Variants in RNF125 observed in about 807,000 individuals in gnomAD.
RNF125 encodes the protein ring finger protein 125.
A neutral mutation model predicts 26.0 loss-of-function variants in RNF125; 21 were observed. The observed-to-expected ratio is 0.81, with a 90% CI of 0.57 to 1.16. The LOEUF (loss-of-function observed/expected upper bound fraction) is 1.16. Ranked by LOEUF, RNF125 falls within the 50% of genes most tolerant of loss-of-function variation. The pLI is 0.00. For missense variants in RNF125, 270 were observed against 299.4 expected, an observed-to-expected ratio of 0.90 and a Z score of 0.72; for synonymous variants, 95 against 109.2, an observed-to-expected ratio of 0.87 and a Z score of 0.81.
At chr18:32,088,736 G>C in the RNF125 span, among the ~76,000 whole-genome samples, 1 of 152,164 alleles carries the variant, frequency 6.6e-6, no homozygotes, top group Non-Finnish European at 1.5e-5. Flanking sequence ...CTGACCTCAA[G>C]TGATCTGCCT....
At chr18:32,041,510 A>C (rs983317211) in intron 2 of RNF125, among the ~76,000 whole-genome samples, 16 of 147,706 alleles carry the variant, frequency 1.1e-4, no homozygotes, top group African/African-American at 4.0e-4. Context: ...CTTTTTCTTC[A>C]CCCATTTTTT....
chr18:32,040,357 T>C (rs7228224), intron 2 of RNF125, among the ~76,000 whole-genome samples: 103,352 of 148,900 alleles, frequency 0.69, 36,085 homozygotes, highest in African/African-American at 0.73. Flanking sequence ...CTGCAACCTC[T>C]GCCTCCTGGG....
rs1320706433 is a variant in RNF125 at position 32,033,801 on chromosome 18, A to G, written c.165-3315A>G. On this transcript the variant is annotated intron_variant, in intron 1 of 5. Coordinates refer to ENST00000217740, the MANE Select transcript of RNF125 (RefSeq NM_017831.4). ...GCCATTGCACTCCAGCCTGGGCAAC[A>G]AGAGTGAAATTTCATCTCAAACAAA... Among the ~76,000 whole-genome samples the G allele has an allele frequency of 2.0e-5, 3 of 151,490 alleles. No homozygotes were observed. In the East Asian group the frequency reaches 5.8e-4, roughly 29 times the overall value.
At chr18:32,028,326 TA>T (rs2039058930) in intron 1 of RNF125, among the ~76,000 whole-genome samples, 1 of 123,770 alleles carries the variant, frequency 8.1e-6, no homozygotes, top group African/African-American at 3.2e-5. Context: ...AAAAAAAAAA[TA>T]ATAGGTAGTG....
chr18:32,019,297 A>C (rs1412102302), intron 1 of RNF125, among the ~76,000 whole-genome samples: 1 of 152,138 alleles, frequency 6.6e-6, no homozygotes, highest in Non-Finnish European at 1.5e-5. Flanking sequence ...ACTCCAGAGA[A>C]GGGGATCCAG....
chr18:32,063,862 T>G (rs1358547781), intron 4 of RNF125, among the ~76,000 whole-genome samples: 1 of 151,720 alleles, frequency 6.6e-6, no homozygotes, highest in African/African-American at 2.4e-5. Context: ...TTTCTCGAAA[T>G]AGTAATAATA....
At chr18:32,053,938 A>G (rs1175108685) in intron 4 of RNF125, among the ~76,000 whole-genome samples, 1 of 152,088 alleles carries the variant, frequency 6.6e-6, no homozygotes, top group African/African-American at 2.4e-5. Context: ...CCATGTATCC[A>G]TGAAGCAGTA....
intron 3 of RNF125, among the ~76,000 whole-genome samples, chr18:32,044,862 C>T (rs1461575181): frequency 2.0e-5 from 3 of 151,658 alleles, no homozygotes; most frequent in Non-Finnish European, 4.4e-5. Flanking sequence ...GGCTCACACC[C>T]GAAATCTCAG....
intron 1 of RNF125, among the ~76,000 whole-genome samples, chr18:32,031,894 G>A (rs2039100385): frequency 6.6e-6 from 1 of 151,988 alleles, no homozygotes; most frequent in African/African-American, 2.4e-5. Flanking sequence ...CCAAGTTCAA[G>A]CACTTTCTTT....
At chr18:32,076,579 G>A (rs1429433727), downstream of RNF125, among the ~76,000 whole-genome samples, 1 of 152,038 alleles carries the variant, frequency 6.6e-6, no homozygotes, top group Non-Finnish European at 1.5e-5. Context: ...TCAAAGTGTT[G>A]AGATTACAGG....
At chr18:32,081,651 T>C in the RNF125 span, among the ~76,000 whole-genome samples, 5 of 152,206 alleles carry the variant, frequency 3.3e-5, no homozygotes, top group Non-Finnish European at 7.3e-5. Context: ...TCTAAGGTAC[T>C]GGGGTTAGAA....
chr18:32,043,122 C>A lies in RNF125; in HGVS notation c.413+849C>A, dbSNP rs187414076. 3.3e-5 allele frequency among the ~76,000 whole-genome samples: 5 copies of A among 151,410 alleles called. No homozygotes were observed. In the East Asian group the frequency reaches 5.8e-4, roughly 18 times the overall value. On this transcript the variant is annotated intron_variant, in intron 3 of 5. Transcript: ENST00000217740. ...TGAGATCTGGCCACTGCACTCCAGCCTGGGTGACAGAGCGAGACTCTGTCT... is the reference window on the plus strand; with the variant it reads ...TGAGATCTGGCCACTGCACTCCAGCATGGGTGACAGAGCGAGACTCTGTCT...
At position 32,018,986 on chromosome 18, in the gene RNF125, T is replaced by C; in HGVS notation, c.123T>C (p.Leu41=). 1 of 1,613,554 alleles carries C rather than the reference T, an allele frequency of 6.2e-7. No homozygotes were observed. Among genetic ancestry groups the C allele is most frequent in the East Asian group, 2.2e-5 (1 of 44,828 alleles). Residue 41 remains leucine, a synonymous_variant, in exon 1 of 6, where the codon CTT becomes CTC. Coordinates refer to ENST00000217740, the MANE Select transcript of RNF125 (RefSeq NM_017831.4). ...PVTSFDCAVC[L]EVLHQPVRTR... ...CGTCCTTCGACTGCGCCGTGTGCCT[T>C]GAGGTGTTACACCAGCCTGTCCGGA...
intron 3 of RNF125, among the ~76,000 whole-genome samples, chr18:32,043,771 C>T (rs2039241836): frequency 6.6e-6 from 1 of 152,102 alleles, no homozygotes; most frequent in Admixed American, 6.6e-5. Context: ...GATTATTTTA[C>T]AAGATATATT....
intron 1 of RNF125, among the ~76,000 whole-genome samples, chr18:32,036,899 G>A (rs2039161007): frequency 6.6e-6 from 1 of 152,082 alleles, no homozygotes; most frequent in Admixed American, 6.6e-5. Flanking sequence ...TGAAATGTGT[G>A]AAAGTGCATG....
chr18:32,019,021 G>A lies in RNF125; in HGVS notation c.158G>A (p.Gly53Asp), dbSNP rs532384679. 42 of 1,612,590 alleles carry A rather than the reference G, an allele frequency of 2.6e-5. 1 individual carries two copies. In the South Asian group the frequency reaches 4.4e-4, roughly 17 times the overall value. The change falls in exon 1 of 6, where the codon GGC (glycine) becomes GAC (aspartate). Residue 53 changes from glycine (G) to aspartate (D), a missense_variant. Transcript: ENST00000217740. ...CACCAGCCTGTCCGGACCCGCTGTGGCCACGTGTAAGTTCCAGGGGAGCTC... is the reference window on the plus strand; with the variant it reads ...CACCAGCCTGTCCGGACCCGCTGTGACCACGTGTAAGTTCCAGGGGAGCTC... The part of the protein sequence containing the change: ...VLHQPVRTRC[G>D]HVFCRSCIAT...
intron 4 of RNF125, among the ~76,000 whole-genome samples, chr18:32,061,087 C>G (rs540226570): frequency 6.6e-6 from 1 of 152,058 alleles, no homozygotes; most frequent in Non-Finnish European, 1.5e-5. Flanking sequence ...TGCAGTGGTG[C>G]GATCTCGGCT....
intron 4 of RNF125, among the ~76,000 whole-genome samples, chr18:32,053,563 TGGTCAGGA>T (rs2039349649): frequency 6.6e-6 from 1 of 151,674 alleles, no homozygotes; most frequent in Admixed American, 6.6e-5. Context: ...AGATCACTTG[TGGTCAGGA>T]GGTCAGGAGT....
chr18:32,073,129 C>T lies in RNF125; in HGVS notation c.*4745C>T, dbSNP rs2039547443. On this transcript the variant is annotated 3_prime_UTR_variant, in exon 6 of 6. Transcript: ENST00000217740. ...GAATTTAAAATGTGTGATTCTTTTTCTTCTGTAAGTATGTATTGCTATGAT... is the reference window on the plus strand; with the variant it reads ...GAATTTAAAATGTGTGATTCTTTTTTTTCTGTAAGTATGTATTGCTATGAT... 1 of 152,128 alleles carries T rather than the reference C, an allele frequency of 6.6e-6. No individual in the cohort carries two copies. The highest frequency in any genetic ancestry group is 1.5e-5 in the Non-Finnish European group (1 of 68,004). The allele number at this position is 152,128 out of a possible 1,614,324, so 9.4% of individuals were successfully genotyped here.
Sources: allele counts gnomAD v4.1 joint callset (sites outside exome capture counted in the v4.1 genomes callset), GRCh38; gene constraint gnomAD v4.1.1; transcripts MANE v1.5; gene names NCBI Gene and HGNC (gene_info 2026-07-23, HGNC 2026-07-21).